Variants in SPMAP2L observed in about 807,000 individuals in gnomAD.
SPMAP2L encodes the protein sperm microtubule associated protein 2-like.
At chr4:56,585,447 A>G in the SPMAP2L span, among the ~76,000 whole-genome samples, 5 of 152,122 alleles carry the variant, frequency 3.3e-5, no homozygotes, top group Non-Finnish European at 7.3e-5. Context: ...CCCAGGCTCA[A>G]ATGATCCTCC....
the SPMAP2L span, chr4:56,552,523 T>C: frequency 7.5e-7 from 1 of 1,332,020 alleles, no homozygotes; most frequent in Non-Finnish European, 1.0e-6. Context: ...GCATTCTCTT[T>C]GAATTAATCA....
At chr4:56,564,125 T>C in the SPMAP2L span, among the ~76,000 whole-genome samples, 72 of 128,172 alleles carry the variant, frequency 5.6e-4, no homozygotes, top group Admixed American at 2.1e-3. Flanking sequence ...GAAGCCACAA[T>C]CTGTGGAATT....
At chr4:56,603,718 C>G in the SPMAP2L span, among the ~76,000 whole-genome samples, 1 of 152,176 alleles carries the variant, frequency 6.6e-6, no homozygotes, top group Non-Finnish European at 1.5e-5. Flanking sequence ...AGTCCCTTCT[C>G]CAGTAAGTCC....
the SPMAP2L span, among the ~76,000 whole-genome samples, chr4:56,540,898 T>C: frequency 1.4e-4 from 21 of 152,194 alleles, no homozygotes; most frequent in Non-Finnish European, 2.9e-4. Flanking sequence ...CCCAAAGAAA[T>C]GTCAATGTTT....
the SPMAP2L span, among the ~76,000 whole-genome samples, chr4:56,549,824 A>G: frequency 2.0e-5 from 3 of 152,198 alleles, no homozygotes; most frequent in Non-Finnish European, 2.9e-5. Flanking sequence ...AACATAAATG[A>G]ATGTTGTGTT....
chr4:56,595,058 G>T, the SPMAP2L span: 17 of 1,610,754 alleles, frequency 1.1e-5, no homozygotes, highest in East Asian at 3.8e-4. Flanking sequence ...GGAACCGTCA[G>T]TGCGGCCCCA....
chr4:56,550,616 A>G, the SPMAP2L span, among the ~76,000 whole-genome samples: 1 of 152,164 alleles, frequency 6.6e-6, no homozygotes, highest in Non-Finnish European at 1.5e-5. Flanking sequence ...CTGTGACTGG[A>G]TAGTTTGTGT....
the SPMAP2L span, among the ~76,000 whole-genome samples, chr4:56,597,299 G>A: frequency 7.2e-5 from 11 of 152,182 alleles, no homozygotes; most frequent in African/African-American, 2.2e-4. Context: ...CGCCCTCACC[G>A]AGTGGTCTGC....
the SPMAP2L span, among the ~76,000 whole-genome samples, chr4:56,586,342 A>G: frequency 1.3e-5 from 2 of 152,138 alleles, no homozygotes; most frequent in Non-Finnish European, 2.9e-5. Context: ...TTTGCTGTAT[A>G]CTCACATGAC....
chr4:56,534,772 CA>C, the SPMAP2L span, among the ~76,000 whole-genome samples: 2 of 151,646 alleles, frequency 1.3e-5, no homozygotes, highest in South Asian at 2.1e-4. Flanking sequence ...GCTAAAAATA[CA>C]AAAAAAATAG....
the SPMAP2L span, chr4:56,593,727 G>C: frequency 1.3e-6 from 2 of 1,572,246 alleles, no homozygotes; most frequent in Admixed American, 1.7e-5. Flanking sequence ...GACGCCACTG[G>C]GAAAGAAGTG....
chr4:56,606,131 A>C, the SPMAP2L span, among the ~76,000 whole-genome samples: 1 of 152,160 alleles, frequency 6.6e-6, no homozygotes, highest in African/African-American at 2.4e-5. Context: ...ATTCGTCTCA[A>C]AGTGTGACGT....
chr4:56,622,998 G>A, the SPMAP2L span, among the ~76,000 whole-genome samples: 3 of 152,126 alleles, frequency 2.0e-5, no homozygotes. Flanking sequence ...GATTGGGATG[G>A]TCCTCTGGGC....
chr4:56,538,798 A>G, the SPMAP2L span, among the ~76,000 whole-genome samples: 1 of 152,326 alleles, frequency 6.6e-6, no homozygotes, highest in African/African-American at 2.4e-5. Flanking sequence ...GCAAGACTCC[A>G]TCTCAAAAAA....
At chr4:56,559,085 C>T in the SPMAP2L span, among the ~76,000 whole-genome samples, 1 of 151,876 alleles carries the variant, frequency 6.6e-6, no homozygotes, top group Non-Finnish European at 1.5e-5. Context: ...AGGCATGTGC[C>T]ACCACGCCTG....
chr4:56,588,264 T>C, the SPMAP2L span, among the ~76,000 whole-genome samples: 170 of 152,072 alleles, frequency 1.1e-3, 2 homozygotes, highest in African/African-American at 3.8e-3. Flanking sequence ...ACTCTGTGGG[T>C]TGTCTGTTTA....
At chr4:56,604,658 CAAAAA>C in the SPMAP2L span, among the ~76,000 whole-genome samples, 1 of 137,128 alleles carries the variant, frequency 7.3e-6, no homozygotes, top group African/African-American at 2.7e-5. Flanking sequence ...GACTCCATCT[CAAAAA>C]AAAAAAGAAA....
chr4:56,575,026 G>A, the SPMAP2L span, among the ~76,000 whole-genome samples: 1 of 152,076 alleles, frequency 6.6e-6, no homozygotes, highest in Non-Finnish European at 1.5e-5. Context: ...CGAGGCCGGT[G>A]GATCACGAGG....
chr4:56,571,127 T>TA, the SPMAP2L span, among the ~76,000 whole-genome samples: 33,362 of 144,788 alleles, frequency 0.23, 4,354 homozygotes, highest in East Asian at 0.45. Context: ...CTTTTTAACT[T>TA]AAAAAAAAAA....
Sources: gnomAD v4.1 joint callset for allele counts (sites outside exome capture counted in the v4.1 genomes callset) on GRCh38, gnomAD v4.1.1 for gene constraint, MANE v1.5 for transcripts, NCBI Gene and HGNC (gene_info 2026-07-23, HGNC 2026-07-21) for gene names.